The following THRB variants were observed in gnomAD, a reference collection of about 807,000 sequenced individuals.
THRB encodes the protein thyroid hormone receptor beta.
Under a neutral mutation model 47.8 loss-of-function variants are expected in THRB, and 12 were observed. The ratio of observed to expected loss-of-function variants is 0.25; its 90% CI spans 0.16 to 0.41. The LOEUF (loss-of-function observed/expected upper bound fraction) is 0.41, where lower values mean the gene tolerates loss of function less well. Ranked by LOEUF, THRB falls within the 10% of genes least tolerant of loss-of-function variation. THRB has a pLI of 1.00. For missense variants in THRB, 348 were observed against 589.2 expected (o/e 0.59, Z 4.24); for synonymous variants, 218 against 212.2 (o/e 1.03, Z -0.24).
intron 3 of THRB, among the ~76,000 whole-genome samples, chr3:24,282,158 A>G (rs1286902152): frequency 1.4e-5 from 1 of 71,594 alleles, no homozygotes; most frequent in African/African-American, 7.4e-5. Context: ...CACCACACCT[A>G]TTCCAAAATT....
intron 5 of THRB, among the ~76,000 whole-genome samples, chr3:24,158,687 C>T (rs140512658): frequency 3.8e-3 from 580 of 152,300 alleles, no homozygotes; most frequent in African/African-American, 0.013. Context: ...GCCTCGGCCT[C>T]CCAAGGTGCT....
intron 1 of THRB, among the ~76,000 whole-genome samples, chr3:24,429,655 A>T (rs2070157467): frequency 6.6e-6 from 1 of 152,040 alleles, no homozygotes; most frequent in Admixed American, 6.6e-5. Context: ...GGGCAAAAAC[A>T]AATCAGATGG....
intron 1 of THRB, among the ~76,000 whole-genome samples, chr3:24,341,304 T>C (rs2062635538): frequency 6.7e-6 from 1 of 148,598 alleles, no homozygotes; most frequent in Non-Finnish European, 1.5e-5. Context: ...CAATCTTGGC[T>C]CACTGACACT....
chr3:24,138,052 G>A (rs1009188111), intron 8 of THRB, among the ~76,000 whole-genome samples: 1 of 152,054 alleles, frequency 6.6e-6, no homozygotes, highest in Admixed American at 6.5e-5. Flanking sequence ...CTCAGCACGG[G>A]TGAGGCTGGT....
chr3:24,165,480 G>C (rs1203703132), intron 5 of THRB: 2 of 598,230 alleles, frequency 3.3e-6, no homozygotes, highest in Admixed American at 3.0e-5. Context: ...CATGAAACGC[G>C]AAGGGAAGAT....
intron 1 of THRB, among the ~76,000 whole-genome samples, chr3:24,450,658 C>T (rs979230473): frequency 5.9e-5 from 9 of 152,056 alleles, no homozygotes; most frequent in Non-Finnish European, 1.0e-4. Context: ...CAAATTAAAC[C>T]AGGTGTAGGT....
At chr3:24,134,247 G>A (rs928200205) in intron 8 of THRB, among the ~76,000 whole-genome samples, 1 of 152,030 alleles carries the variant, frequency 6.6e-6, no homozygotes, top group Non-Finnish European at 1.5e-5. Context: ...AAGACCTCCA[G>A]GTGACTTATA....
At chr3:24,471,570 A>G (rs1694715705) in intron 1 of THRB, among the ~76,000 whole-genome samples, 1 of 152,082 alleles carries the variant, frequency 6.6e-6, no homozygotes, top group African/African-American at 2.4e-5. Context: ...TCTGTAGTGG[A>G]GCATTTTGGC....
intron 3 of THRB, among the ~76,000 whole-genome samples, chr3:24,229,601 A>C (rs1224775851): frequency 1.3e-5 from 2 of 152,214 alleles, no homozygotes; most frequent in Non-Finnish European, 2.9e-5. Flanking sequence ...CAAGAGCAAC[A>C]GTCAGACTTG....
intron 1 of THRB, among the ~76,000 whole-genome samples, chr3:24,344,122 C>T (rs2149482107): frequency 6.6e-6 from 1 of 151,842 alleles, no homozygotes; most frequent in East Asian, 1.9e-4. Flanking sequence ...TACATGAAAA[C>T]TTACTCTATT....
intron 5 of THRB, among the ~76,000 whole-genome samples, chr3:24,171,322 T>TCAA (rs1314203208): frequency 6.6e-6 from 1 of 152,122 alleles, no homozygotes; most frequent in African/African-American, 2.4e-5. Flanking sequence ...TCAAATCAGT[T>TCAA]CAACTCCAGA....
chr3:24,133,871 A>G (rs868392372), intron 8 of THRB, among the ~76,000 whole-genome samples: 1 of 152,134 alleles, frequency 6.6e-6, no homozygotes. Context: ...AGGTGGGCAC[A>G]CCGTGGGCAG....
chr3:24,239,331 G>A (rs941244096), intron 3 of THRB, among the ~76,000 whole-genome samples: 3 of 152,114 alleles, frequency 2.0e-5, no homozygotes, highest in African/African-American at 7.2e-5. Flanking sequence ...GGTGTCAGGT[G>A]CATGGTATAG....
chr3:24,200,472 T>G lies in THRB; in HGVS notation c.23-10138A>C, dbSNP rs73138678. Reference sequence around the variant, plus strand: ...TGGGTAATTAGATCAATGGTATACATCACCCTGTAAAAATCTCAGTACTTG... The same window carrying G: ...TGGGTAATTAGATCAATGGTATACAGCACCCTGTAAAAATCTCAGTACTTG... On this transcript the variant is annotated intron_variant, in intron 4 of 10. Coordinates refer to ENST00000646209, the MANE Select transcript of THRB (RefSeq NM_001354712.2). 7.2e-3 allele frequency among the ~76,000 whole-genome samples: 1,099 copies of G among 152,294 alleles called. 13 individuals carry two copies. The highest frequency in any genetic ancestry group is 0.025 in the African/African-American group (1,052 of 41,548).
intron 4 of THRB, among the ~76,000 whole-genome samples, chr3:24,224,575 C>A (rs879076899): frequency 6.6e-6 from 1 of 151,994 alleles, no homozygotes. Context: ...CTAAGGGACA[C>A]CTGAAGGTCC....
chr3:24,402,457 T>C (rs935331333), intron 1 of THRB, among the ~76,000 whole-genome samples: 3 of 150,828 alleles, frequency 2.0e-5, no homozygotes, highest in Non-Finnish European at 4.4e-5. Context: ...GACACTTAAT[T>C]TGGGATGAGG....
At chr3:24,331,006 C>A (rs538848172) in intron 2 of THRB, among the ~76,000 whole-genome samples, 1 of 152,196 alleles carries the variant, frequency 6.6e-6, no homozygotes, top group South Asian at 2.1e-4. Context: ...GTGTATCGTG[C>A]ACCATGGATA....
intron 1 of THRB, among the ~76,000 whole-genome samples, chr3:24,347,601 A>G (rs2063102304): frequency 6.6e-6 from 1 of 151,054 alleles, no homozygotes; most frequent in African/African-American, 2.4e-5. Flanking sequence ...CTTTTTAAAG[A>G]AAAAAACCTT....
chr3:24,127,921 G>A (rs558727129), intron 9 of THRB, among the ~76,000 whole-genome samples, 164 bp from the exon 10 acceptor site: 10 of 152,070 alleles, frequency 6.6e-5, no homozygotes, highest in Admixed American at 3.3e-4. Context: ...GCAGACTTTC[G>A]ACAACCATTT....
Sources: gnomAD v4.1 joint callset for allele counts (sites outside exome capture counted in the v4.1 genomes callset) on GRCh38, gnomAD v4.1.1 for gene constraint, MANE v1.5 for transcripts, NCBI Gene and HGNC (gene_info 2026-07-23, HGNC 2026-07-21) for gene names.